PCDHA6: variants seen among roughly 807,000 people sequenced by gnomAD.
The protein encoded by PCDHA6 is protocadherin alpha-6.
In PCDHA6, 55 loss-of-function variants were observed where a neutral mutation model predicts 60.3. The observed-to-expected ratio is 0.91, with a 90% CI of 0.73 to 1.14. The LOEUF is 1.14. Among genes scored for constraint, PCDHA6 ranks in the 50% most tolerant of loss-of-function variants. PCDHA6 has a pLI of 0.00. For missense variants in PCDHA6, 1,327 were observed against 1,256.5 expected (o/e 1.06, Z -0.85); for synonymous variants, 652 against 557.9 (o/e 1.17, Z -2.38).
rs1770781900 is a variant in PCDHA6, at chr5:140,830,056, T to G, written c.1965T>G (p.Gly655=). 1 of 1,613,606 alleles carries G rather than the reference T, an allele frequency of 6.2e-7. No individual in the cohort carries two copies. Among genetic ancestry groups the G allele is most frequent in the Non-Finnish European group, 8.5e-7 (1 of 1,179,872 alleles). ...HRLLVLVKDH[G]EPALTATATV... is the part of the protein sequence containing the mutation. The stretch of plus-strand genomic sequence containing the variant: ...TGCTGGTGCTGGTGAAAGACCACGG[T>G]GAGCCGGCGCTGACAGCGACGGCCA... Residue 655 remains glycine, a synonymous_variant, in exon 1 of 4, where the codon GGT becomes GGG. Coordinates refer to ENST00000529310, the MANE Select transcript of PCDHA6 (RefSeq NM_018909.4).
chr5:140,976,689 T>TTTGCA (rs1280133734), intron 1 of PCDHA6, among the ~76,000 whole-genome samples: 2 of 152,232 alleles, frequency 1.3e-5, no homozygotes, highest in East Asian at 3.8e-4. Context: ...GCAATTTAAG[T>TTTGCA]ACAATAATGT....
At chr5:140,966,794 G>T in intron 1 of PCDHA6, 1 of 1,533,558 alleles carries the variant, frequency 6.5e-7, no homozygotes. Context: ...CAGACCTGCG[G>T]CGACAGAGCA....
intron 3 of PCDHA6, among the ~76,000 whole-genome samples, chr5:141,002,946 G>A (rs2098104148): frequency 6.6e-6 from 1 of 152,180 alleles, no homozygotes; most frequent in African/African-American, 2.4e-5. Flanking sequence ...TCCAGCACAT[G>A]CCCCTCTGAG....
intron 1 of PCDHA6, among the ~76,000 whole-genome samples, chr5:140,898,149 C>T (rs552851488): frequency 4.6e-4 from 70 of 152,244 alleles, no homozygotes; most frequent in African/African-American, 1.6e-3. Flanking sequence ...TGCCTGTTCA[C>T]GCTGATGGTG....
In PCDHA6 at chr5:140,961,349, T is replaced by C. The variant is rs1352312577; in HGVS notation, c.2395-17600T>C. Among the ~76,000 whole-genome samples the C allele has an allele frequency of 2.0e-5, 3 of 152,204 alleles. No individual in the cohort carries two copies. The East Asian group carries it at 5.8e-4, about 29-fold the overall frequency. On this transcript the variant is annotated intron_variant, in intron 1 of 3. Coordinates refer to ENST00000529310, the MANE Select transcript of PCDHA6 (RefSeq NM_018909.4). Reference sequence around the variant, plus strand: ...TTGAGAGACCAAGAGTGGATCCCTGTAGTCCCCATTAGAATTCTCCTTCTA... The same window carrying C: ...TTGAGAGACCAAGAGTGGATCCCTGCAGTCCCCATTAGAATTCTCCTTCTA...
In PCDHA6 at chr5:140,895,957, C is replaced by G. The variant is rs186458993; in HGVS notation, c.2394+65472C>G. Among the ~76,000 whole-genome samples, 2 of 152,196 alleles carry G rather than the reference C, an allele frequency of 1.3e-5. 1 individual carries two copies. Among genetic ancestry groups the G allele is most frequent in the Admixed American group, 1.3e-4 (2 of 15,284 alleles). On this transcript the variant is annotated intron_variant, in intron 1 of 3. Transcript: ENST00000529310. Reference sequence around the variant, plus strand: ...TCCCGAGTAGCTGGGATTACAGGTGCCTGTCACCAGGCCTAGCTAATTTTT... The same window carrying G: ...TCCCGAGTAGCTGGGATTACAGGTGGCTGTCACCAGGCCTAGCTAATTTTT...
intron 1 of PCDHA6, chr5:140,861,475 G>C: frequency 4.1e-6 from 2 of 492,480 alleles, no homozygotes; most frequent in South Asian, 1.6e-5. Flanking sequence ...CTGCAGAATG[G>C]CATTTTTGTG....
chr5:140,956,060 G>A (rs1021406649), intron 1 of PCDHA6, among the ~76,000 whole-genome samples: 12 of 152,074 alleles, frequency 7.9e-5, no homozygotes, highest in African/African-American at 2.9e-4. Context: ...GAGACAATGG[G>A]GTTTTCCAGA....
intron 1 of PCDHA6, chr5:140,842,971 G>T: frequency 6.3e-7 from 1 of 1,594,964 alleles, no homozygotes; most frequent in Non-Finnish European, 8.6e-7. Context: ...GCAACGTGAC[G>T]CTGCAGGTGT....
intron 2 of PCDHA6, among the ~76,000 whole-genome samples, chr5:140,982,139 A>G (rs1381844546): frequency 1.3e-5 from 2 of 152,260 alleles, no homozygotes; most frequent in Non-Finnish European, 2.9e-5. Flanking sequence ...AGCCCTCCTC[A>G]TCTGCTTCAG....
At chr5:140,981,169 C>T (rs2096920797) in intron 2 of PCDHA6, among the ~76,000 whole-genome samples, 1 of 152,170 alleles carries the variant, frequency 6.6e-6, no homozygotes, top group Admixed American at 6.5e-5. Context: ...GTTGCCTTCC[C>T]TCTAATAGTT....
intron 1 of PCDHA6, chr5:140,875,535 T>C (rs1554167741): frequency 3.1e-6 from 5 of 1,614,134 alleles, no homozygotes; most frequent in Admixed American, 3.3e-5. Context: ...TTCTGCTCCT[T>C]GCAGCCTGGG....
In PCDHA6 at chr5:140,871,116, C is replaced by A. The variant is rs200344692; in HGVS notation, c.2394+40631C>A. On this transcript the variant is annotated intron_variant, in intron 1 of 3. Transcript: ENST00000529310. The stretch of plus-strand genomic sequence containing the variant: ...CCGTGCTGGTGTCGTTGGTGGAGAG[C>A]GGACAGGCGCCAAAGGCCTCTTCCC... The A allele has an allele frequency of 4.3e-4, 686 of 1,613,264 alleles. 1 individual carries two copies. Among genetic ancestry groups the A allele is most frequent in the Middle Eastern group, 2.1e-3 (13 of 6,062 alleles).
At chr5:140,871,273 G>T in intron 1 of PCDHA6, 3 of 1,613,916 alleles carry the variant, frequency 1.9e-6, no homozygotes, top group Non-Finnish European at 2.5e-6. Flanking sequence ...GTGGTGGTCG[G>T]CAACGCCCAC....
In PCDHA6 at chr5:140,849,698, C is replaced by G. The variant is rs2150445577; in HGVS notation, c.2394+19213C>G. 4 of 1,598,548 alleles carry G rather than the reference C, an allele frequency of 2.5e-6. No individual in the cohort carries two copies. In the South Asian group the frequency reaches 3.3e-5, roughly 13 times the overall value. The stretch of plus-strand genomic sequence containing the variant: ...TCCCCTTCAAGCTGGTGTCCACCTA[C>G]AAGAATTACTACTCGTTGGTGCTGG... On this transcript the variant is annotated intron_variant, in intron 1 of 3. Transcript: ENST00000529310.
At chr5:140,935,796 G>A (rs2090564598) in intron 1 of PCDHA6, among the ~76,000 whole-genome samples, 2 of 150,224 alleles carry the variant, frequency 1.3e-5, no homozygotes, top group African/African-American at 2.5e-5. Flanking sequence ...AAATATAAAC[G>A]AGATTATTTC....
chr5:141,007,478 G>A (rs1041976706), intron 3 of PCDHA6, among the ~76,000 whole-genome samples: 5 of 151,620 alleles, frequency 3.3e-5, no homozygotes, highest in Admixed American at 6.6e-5. Context: ...TGAGGCACGA[G>A]AATTACTTGG....
chr5:140,829,782 C>T lies in PCDHA6; in HGVS notation c.1691C>T (p.Ala564Val), dbSNP rs2150174581. Reference protein sequence around the residue: ...FVLDENDNAPALLAPRVGGTG... With the variant: ...FVLDENDNAPVLLAPRVGGTG... Reference sequence around the variant, plus strand: ...CTGGACGAGAACGACAACGCGCCGGCGCTGCTGGCGCCTCGGGTGGGTGGT... The same window carrying T: ...CTGGACGAGAACGACAACGCGCCGGTGCTGCTGGCGCCTCGGGTGGGTGGT... Residue 564 changes from alanine to valine, a missense_variant, in exon 1 of 4, where the codon GCG (alanine) becomes GTG (valine). Ala to Val is a moderately conservative substitution (Grantham distance 64). Coordinates refer to ENST00000529310, the MANE Select transcript of PCDHA6 (RefSeq NM_018909.4). 1 of 1,613,798 alleles carries T rather than the reference C, an allele frequency of 6.2e-7. No individual in the cohort carries two copies.
chr5:140,882,086 A>G (rs1416648023), intron 1 of PCDHA6: 4 of 1,056,010 alleles, frequency 3.8e-6, no homozygotes, highest in South Asian at 1.7e-5. Context: ...GTCGCTCTTC[A>G]CTGAGAACGT....
Sources: gnomAD v4.1 joint callset for allele counts (sites outside exome capture counted in the v4.1 genomes callset) on GRCh38, gnomAD v4.1.1 for gene constraint, MANE v1.5 for transcripts, NCBI Gene and HGNC (gene_info 2026-07-23, HGNC 2026-07-21) for gene names.